Variants in YME1L1 observed in about 807,000 individuals in gnomAD.
YME1L1 encodes the protein ATP-dependent zinc metalloprotease YME1L1.
A neutral mutation model predicts 90.4 loss-of-function variants in YME1L1; 39 were observed. That is an observed-to-expected ratio of 0.43 (90% confidence interval 0.33 to 0.56). The LOEUF (loss-of-function observed/expected upper bound fraction) is 0.56, where lower values mean the gene tolerates loss of function less well. Among genes scored for constraint, YME1L1 ranks in the 20% least tolerant of loss-of-function variants. YME1L1 has a pLI of 0.03. For missense variants in YME1L1, 617 were observed against 868.4 expected (o/e 0.71, Z 3.64); for synonymous variants, 284 against 287.3 (o/e 0.99, Z 0.12).
chr10:27,111,732 C>G lies in YME1L1; in HGVS notation c.*245G>C. 1.8e-6 allele frequency: 1 copy of G among 565,490 alleles called. No individual in the cohort carries two copies. Among genetic ancestry groups the G allele is most frequent in the Non-Finnish European group, 3.2e-6 (1 of 312,576 alleles). The allele number at this position is 565,490 out of a possible 1,614,324, so 35.0% of individuals were successfully genotyped here. ...AACTAATTGACATTCCTCAAAAGAG[C>G]TGTTTTCAATCCTGATAGTTCTTTA... On this transcript the variant is annotated 3_prime_UTR_variant, in exon 19 of 19. Coordinates refer to ENST00000376016, the MANE Select transcript of YME1L1 (RefSeq NM_014263.4).
intron 1 of YME1L1, among the ~76,000 whole-genome samples, chr10:27,150,447 T>C (rs1270939397): frequency 6.6e-6 from 1 of 152,162 alleles, no homozygotes; most frequent in Admixed American, 6.5e-5. Flanking sequence ...CTGGGTTGCA[T>C]TCCCAGGAGG....
chr10:27,134,828 T>C lies in YME1L1; in HGVS notation c.691+3A>G, dbSNP rs1188005235. On this transcript the variant is annotated splice_donor_region_variant and intron_variant, in intron 6 of 18. Coordinates refer to ENST00000376016, the MANE Select transcript of YME1L1 (RefSeq NM_014263.4). ...AAACACGGATGGTGTCAATTCAACT[T>C]ACCATTGGTTTTTTGTGTGAGTGCT... is the stretch of plus-strand genomic sequence containing the variant. The C allele has an allele frequency of 6.2e-7, 1 of 1,613,756 alleles. No individual in the cohort carries two copies. Among genetic ancestry groups the C allele is most frequent in the Admixed American group, 1.7e-5 (1 of 60,006 alleles).
intron 9 of YME1L1, among the ~76,000 whole-genome samples, chr10:27,124,764 ACT>A (rs1430845732): frequency 6.6e-6 from 1 of 151,994 alleles, no homozygotes; most frequent in Non-Finnish European, 1.5e-5. Context: ...TTAAACATTC[ACT>A]CTGTGATGTT....
chr10:27,113,219 C>CAAAAAAAAAAAAA (rs869122796), intron 18 of YME1L1, among the ~76,000 whole-genome samples: 3 of 43,098 alleles, frequency 7.0e-5, no homozygotes, highest in Non-Finnish European at 8.8e-5. Context: ...GATGCTGTCT[C>CAAAAAAAAAAAAA]AAAAAAAAAA....
rs192689171 is a variant in YME1L1 at position 27,137,761 on chromosome 10, A to C, written c.431-1376T>G. Among the ~76,000 whole-genome samples the C allele has an allele frequency of 1.1e-3, 161 of 152,222 alleles. 2 individuals are homozygous for C. Among genetic ancestry groups the C allele is most frequent in the Non-Finnish European group, 1.7e-3 (117 of 67,984 alleles). ...ATTTTTATTTTTATTTCTTTAGTAAATTGACCATGCATGTCCTTTGCACAT... is the reference window on the plus strand; with the variant it reads ...ATTTTTATTTTTATTTCTTTAGTAACTTGACCATGCATGTCCTTTGCACAT... On this transcript the variant is annotated intron_variant, in intron 4 of 18. Coordinates refer to ENST00000376016, the MANE Select transcript of YME1L1 (RefSeq NM_014263.4).
At chr10:27,119,541 G>A (rs2056845535) in intron 13 of YME1L1, 92 bp from the exon 14 acceptor site, 3 of 1,380,148 alleles carry the variant, frequency 2.2e-6, no homozygotes, top group Middle Eastern at 1.9e-4. Flanking sequence ...GGGTGCGTTG[G>A]CTCATGCCTG....
At chr10:27,117,217 G>T (rs993132889) in intron 15 of YME1L1, among the ~76,000 whole-genome samples, 1 of 152,192 alleles carries the variant, frequency 6.6e-6, no homozygotes, top group African/African-American at 2.4e-5. Flanking sequence ...AGAAACTACT[G>T]AATCAGTTAC....
At chr10:27,136,921 C>A (rs1355560978) in intron 4 of YME1L1, among the ~76,000 whole-genome samples, 1 of 151,334 alleles carries the variant, frequency 6.6e-6, no homozygotes, top group East Asian at 1.9e-4. Flanking sequence ...CCGCGCCTGG[C>A]CTATTTTTTA....
At chr10:27,130,207 T>C (rs967658765) in intron 8 of YME1L1, among the ~76,000 whole-genome samples, 3 of 152,184 alleles carry the variant, frequency 2.0e-5, no homozygotes, top group Non-Finnish European at 2.9e-5. Flanking sequence ...CCCCTCATCA[T>C]AGAAATATTT....
Position 27,120,528 on chromosome 10 carries a change from G to T in YME1L1, c.1318C>A (p.Arg440Ser). ...ALDNALIRPG[R>S]FDMQVTVPRP... ...GGAACTGTAACTTGCATGTCAAAAC[G>T]ACCAGGACGTATTAAGGCACTACAG... Residue 440 changes from arginine to serine, a missense_variant, in exon 13 of 19, where the codon CGT becomes AGT. By Grantham distance (110) the Arg-to-Ser change is moderately radical. This residue lies in a region of YME1L1 where 1 missense variants were observed against 17.9 expected (regional missense o/e 0.06). Transcript: ENST00000376016. 1.2e-6 allele frequency: 2 copies of T among 1,612,746 alleles called. No individual in the cohort carries two copies. Among genetic ancestry groups the T allele is most frequent in the South Asian group, 2.2e-5 (2 of 90,840 alleles).
rs2056857782 is a variant in YME1L1, at chr10:27,120,638, C to G, written c.1299-91G>C. On this transcript the variant is annotated intron_variant, in intron 12 of 18. Transcript: ENST00000376016. ...ACACCCTAATGACGTGACTGGGAAG[C>G]CAATGGCAGCCAGAGCGCAGATGGA... The G allele has an allele frequency of 3.1e-5, 28 of 904,230 alleles. No homozygotes were observed. In the East Asian group the frequency reaches 7.0e-4, roughly 23 times the overall value. 56.0% of individuals were successfully genotyped at this position (904,230 alleles called of 1,614,324 possible).
intron 1 of YME1L1, among the ~76,000 whole-genome samples, chr10:27,150,995 G>C (rs2057208152): frequency 6.9e-6 from 1 of 144,150 alleles, no homozygotes; most frequent in African/African-American, 2.5e-5. Flanking sequence ...ATGCAATCTC[G>C]GCTCACTGCA....
At chr10:27,138,242 C>G (rs781711497) in intron 4 of YME1L1, among the ~76,000 whole-genome samples, 5 of 152,026 alleles carry the variant, frequency 3.3e-5, no homozygotes, top group African/African-American at 4.8e-5. Flanking sequence ...ATTTCCATGG[C>G]TAAATATCTG....
chr10:27,147,532 TGC>T lies in YME1L1; in HGVS notation c.168+1372_168+1373del, dbSNP rs74970402. 32,163 of 1,613,248 alleles carry T rather than the reference TGC, an allele frequency of 0.02. 4,753 individuals carry two copies. The African/African-American group carries it at 0.35, about 17-fold the overall frequency. On this transcript the variant is annotated intron_variant, in intron 2 of 18. Coordinates refer to ENST00000376016, the MANE Select transcript of YME1L1 (RefSeq NM_014263.4). The stretch of plus-strand genomic sequence containing the variant: ...GAGGGAGAAGGGTTCTGGACGGATG[TGC>T]CAGTTATCGGTTGTGTCCAAGCTCT...
chr10:27,119,538 T>A, intron 13 of YME1L1, 89 bp from the exon 14 acceptor site: 3 of 1,418,810 alleles, frequency 2.1e-6, no homozygotes, highest in South Asian at 2.8e-5. Flanking sequence ...ACTGGGTGCG[T>A]TGGCTCATGC....
chr10:27,145,298 A>AAC, intron 3 of YME1L1, 130 bp downstream of exon 3: 27 of 787,282 alleles, frequency 3.4e-5, no homozygotes, highest in South Asian at 2.9e-4. Context: ...GCAAAAAAAA[A>AAC]AACAAAAAAA....
At chr10:27,115,569 C>T (rs892002367) in intron 17 of YME1L1, among the ~76,000 whole-genome samples, 1 of 152,042 alleles carries the variant, frequency 6.6e-6, no homozygotes, top group African/African-American at 2.4e-5. Flanking sequence ...GTCTCCTCAG[C>T]CTCCCAAAGT....
intron 11 of YME1L1, 115 bp downstream of exon 11, chr10:27,122,726 T>C (rs965624861): frequency 4.4e-5 from 62 of 1,419,074 alleles, no homozygotes; most frequent in Non-Finnish European, 5.7e-5. Context: ...CATCACATTT[T>C]TCATATCTCT....
intron 4 of YME1L1, among the ~76,000 whole-genome samples, 161 bp from the exon 5 acceptor site, chr10:27,136,546 G>A (rs546868356): frequency 6.4e-4 from 98 of 151,996 alleles, no homozygotes; most frequent in African/African-American, 2.3e-3. Context: ...TTGTAGAGAC[G>A]GGGTCTCCTT....
Sources: gnomAD v4.1 joint callset for allele counts (sites outside exome capture counted in the v4.1 genomes callset) on GRCh38, gnomAD v4.1.1 for gene constraint, gnomAD v4.1.1 regional missense constraint, MANE v1.5 for transcripts, NCBI Gene and HGNC (gene_info 2026-07-23, HGNC 2026-07-21) for gene names.